TP73: variants seen among roughly 807,000 people sequenced by gnomAD.
TP73 encodes the protein p53-like transcription factor.
TP73 carries 25 observed loss-of-function variants against 62.5 expected under a neutral mutation model. That is an observed-to-expected ratio of 0.40 (90% confidence interval 0.29 to 0.56). The LOEUF is 0.56. Among genes scored for constraint, TP73 ranks in the 20% least tolerant of loss-of-function variants. The pLI is 0.46. For synonymous variants in TP73, 423 were observed against 377.5 expected (o/e 1.12, Z -1.40); for missense variants, 754 against 913.3 (o/e 0.83, Z 2.25).
Position 3,662,492 on chromosome 1 carries a change from A to G in TP73, c.-34+9851A>G, listed in dbSNP as rs1645018189. ...ACTGGTGAATGAAGGTGGTTTCGTCACGCGGACATGCGTCTCTCAGGCGAT... is the reference window on the plus strand; with the variant it reads ...ACTGGTGAATGAAGGTGGTTTCGTCGCGCGGACATGCGTCTCTCAGGCGAT... On this transcript the variant is annotated intron_variant, in intron 1 of 13. Transcript: ENST00000378295. The surrounding 1 kb of genome is among the most constrained non-coding windows in gnomAD (Gnocchi z 4.4). Among the ~76,000 whole-genome samples the G allele has an allele frequency of 6.6e-6, 1 of 152,184 alleles. No homozygotes were observed. Among genetic ancestry groups the G allele is most frequent in the African/African-American group, 2.4e-5 (1 of 41,440 alleles).
In TP73 at chr1:3,725,926, TTGGA is replaced by T. The variant is rs536392740; in HGVS notation, c.733-1180_733-1177del. Among the ~76,000 whole-genome samples, 283 of 98,864 alleles carry T rather than the reference TTGGA, an allele frequency of 2.9e-3. 5 individuals carry two copies. Among genetic ancestry groups the T allele is most frequent in the African/African-American group, 0.011 (265 of 24,212 alleles). 64.9% of individuals were successfully genotyped at this position (98,864 alleles called of 152,430 possible). ...AATGGATGGGTGGGTGAATGGATGGTTGGATGGATGGACAGATAATGGGGGGAGT... is the reference window on the plus strand; with the variant it reads ...AATGGATGGGTGGGTGAATGGATGGTTGGATGGACAGATAATGGGGGGAGT... On this transcript the variant is annotated intron_variant, in intron 6 of 13. Coordinates refer to ENST00000378295, the MANE Select transcript of TP73 (RefSeq NM_005427.4).
intron 6 of TP73, among the ~76,000 whole-genome samples, chr1:3,725,815 GGGTGT>G (rs2124502053): frequency 2.6e-5 from 2 of 77,018 alleles, no homozygotes; most frequent in African/African-American, 5.3e-5. Context: ...TGGATGGGGT[GGGTGT>G]GGGGGGTGGA....
chr1:3,683,288 C>T (rs1469999999), intron 3 of TP73, 108 bp downstream of exon 3: 2 of 1,389,842 alleles, frequency 1.4e-6, no homozygotes, highest in African/African-American at 2.9e-5. Context: ...CTTGGTTGTA[C>T]AGCTTCCCCT....
chr1:3,730,927 G>A lies in TP73; in HGVS notation c.1346G>A (p.Gly449Asp), dbSNP rs972989673. The A allele has an allele frequency of 6.2e-7, 1 of 1,601,984 alleles. No individual in the cohort carries two copies. The highest frequency in any genetic ancestry group is 1.3e-5 in the African/African-American group (1 of 74,596). ...ATGGCCCCACCTGCCTCTCACCCAG[G>A]CCCCGGGATGCTCAACAACCATGGC... ...SAATPNLGPV[G>D]PGMLNNHGHA... The change falls in exon 12 of 14, where the codon GGC becomes GAC. Residue 449 changes from glycine to aspartate, a missense_variant and splice_region_variant. Around this residue, in one of 3 missense-constraint regions of TP73, gnomAD observed 458 missense variants for 528.7 expected, o/e 0.87. Transcript: ENST00000378295.
chr1:3,724,586 C>T (rs1221231823), intron 6 of TP73, among the ~76,000 whole-genome samples: 3 of 152,260 alleles, frequency 2.0e-5, no homozygotes, highest in Non-Finnish European at 2.9e-5. Flanking sequence ...AGAGCTCTAT[C>T]GCCCCCTGGT....
intron 4 of TP73, among the ~76,000 whole-genome samples, chr1:3,716,054 G>C (rs1640570142): frequency 6.6e-6 from 1 of 152,194 alleles, no homozygotes. Context: ...TGGTGGGGCA[G>C]ACTGCCCAGC....
chr1:3,698,191 C>A (rs1400119612), intron 3 of TP73: 6 of 922,470 alleles, frequency 6.5e-6, no homozygotes, highest in African/African-American at 1.8e-5. Flanking sequence ...GGCATGTGTG[C>A]AAGGACACAG....
chr1:3,654,751 A>G (rs1557474742), intron 1 of TP73, among the ~76,000 whole-genome samples: 1 of 152,212 alleles, frequency 6.6e-6, no homozygotes, highest in Non-Finnish European at 1.5e-5. Context: ...GAGGGATGGC[A>G]GTGAGGCAGG....
At chr1:3,731,251 G>A (rs904170174) in intron 12 of TP73, among the ~76,000 whole-genome samples, 186 bp downstream of exon 12, 2 of 152,192 alleles carry the variant, frequency 1.3e-5, no homozygotes, top group Admixed American at 1.3e-4. Flanking sequence ...TCCACTTAGA[G>A]GAAAAGCACA....
intron 7 of TP73, 74 bp downstream of exon 7, chr1:3,727,298 A>C: frequency 1.4e-6 from 2 of 1,402,376 alleles, no homozygotes; most frequent in Non-Finnish European, 2.0e-6. Context: ...GGGAGCTGTC[A>C]TGGAGACCTG....
chr1:3,698,573 G>A (rs375160757), intron 3 of TP73, among the ~76,000 whole-genome samples: 1 of 152,192 alleles, frequency 6.6e-6, no homozygotes, highest in East Asian at 1.9e-4. Context: ...CCGGGAGGCA[G>A]GGGGCAGAAG....
Position 3,723,431 on chromosome 1 carries a change from G to T in TP73, c.694G>T (p.Gly232Cys). 1.2e-6 allele frequency: 2 copies of T among 1,612,532 alleles called. No homozygotes were observed. Among genetic ancestry groups the T allele is most frequent in the East Asian group, 4.5e-5 (2 of 44,876 alleles). The change falls in exon 6 of 14, where the codon GGC (glycine) becomes TGC (cysteine). Residue 232 changes from glycine (G) to cysteine (C), a missense_variant. Physicochemically the swap from Gly to Cys is radical, Grantham distance 159 (BLOSUM62 -3). Coordinates refer to ENST00000378295, the MANE Select transcript of TP73 (RefSeq NM_005427.4). ...LSQYVDDPVTGRQSVVVPYEP... is the reference protein window; with the variant it reads ...LSQYVDDPVTCRQSVVVPYEP... Reference sequence around the variant, plus strand: ...GCAGTATGTGGATGACCCTGTCACCGGCAGGCAGAGCGTCGTGGTGCCCTA... The same window carrying T: ...GCAGTATGTGGATGACCCTGTCACCTGCAGGCAGAGCGTCGTGGTGCCCTA...
intron 1 of TP73, among the ~76,000 whole-genome samples, chr1:3,657,233 G>C (rs542455117): frequency 2.6e-5 from 4 of 152,132 alleles, no homozygotes; most frequent in Non-Finnish European, 5.9e-5. Flanking sequence ...GGGTTCCCTC[G>C]GAGGCTCTGA....
intron 3 of TP73, among the ~76,000 whole-genome samples, chr1:3,691,671 C>T (rs1194626336): frequency 6.6e-6 from 1 of 152,166 alleles, no homozygotes; most frequent in Admixed American, 6.5e-5. Flanking sequence ...GCACCAGCTG[C>T]TAATTGAGAA....
intron 5 of TP73, 27 bp downstream of exon 5, chr1:3,722,234 C>T (rs377540827): frequency 4.8e-5 from 77 of 1,610,790 alleles, no homozygotes; most frequent in Middle Eastern, 1.7e-4. Context: ...CCTCTGCCCA[C>T]GGTGGCACTT....
intron 4 of TP73, among the ~76,000 whole-genome samples, chr1:3,721,440 C>T (rs1440648525): frequency 6.6e-6 from 1 of 152,242 alleles, no homozygotes; most frequent in Non-Finnish European, 1.5e-5. Context: ...GTGTCAGAGT[C>T]ACCAGGGCTG....
At chr1:3,731,396 G>T (rs1642128587) in intron 12 of TP73, 67 bp from the exon 13 acceptor site, 1 of 1,513,472 alleles carries the variant, frequency 6.6e-7, no homozygotes, top group Non-Finnish European at 9.1e-7. Flanking sequence ...CACTCTCAGA[G>T]ATGGGGGCTC....
intron 13 of TP73, among the ~76,000 whole-genome samples, chr1:3,731,759 C>G (rs1642157948): frequency 6.6e-6 from 1 of 152,240 alleles, no homozygotes; most frequent in Non-Finnish European, 1.5e-5. Context: ...GACACAGGCC[C>G]AGGCCTCCGG....
At chr1:3,705,225 G>A (rs1206400969) in intron 3 of TP73, among the ~76,000 whole-genome samples, 5 of 152,222 alleles carry the variant, frequency 3.3e-5, no homozygotes, top group South Asian at 2.1e-4. Context: ...GCTTATCCAC[G>A]TGGCAGCGTG....
Sources: gnomAD v4.1 joint callset for allele counts (sites outside exome capture counted in the v4.1 genomes callset) on GRCh38, gnomAD v4.1.1 for gene constraint, gnomAD v4.1.1 regional missense constraint, Gnocchi (gnomAD v3.1) non-coding constraint, MANE v1.5 for transcripts, NCBI Gene and HGNC (gene_info 2026-07-23, HGNC 2026-07-21) for gene names.